FHIT: variants seen among roughly 807,000 people sequenced by gnomAD.
FHIT encodes the protein fragile histidine triad diadenosine triphosphatase, also known as bis(5'-adenosyl)-triphosphatase.
Under a neutral mutation model 17.9 loss-of-function variants are expected in FHIT, and 19 were observed. The ratio of observed to expected loss-of-function variants is 1.06; its 90% CI spans 0.74 to 1.56. FHIT has a LOEUF of 1.56. Ranked by LOEUF, FHIT falls within the 40% of genes most tolerant of loss-of-function variation. The probability of loss-of-function intolerance (pLI) is 0.00; values close to 1 mark genes in which losing one functional copy is unlikely to be tolerated. For synonymous variants in FHIT, 81 were observed against 69.7 expected (o/e 1.16, Z -0.81); for missense variants, 248 against 189.2 (o/e 1.31, Z -1.82).
chr3:60,067,734 A>T (rs998289700), intron 5 of FHIT, among the ~76,000 whole-genome samples: 5 of 152,192 alleles, frequency 3.3e-5, no homozygotes, highest in Non-Finnish European at 7.3e-5. Context: ...GGGAATTTCC[A>T]CGCGACAGCC....
chr3:60,353,299 G>C (rs1368406373), intron 5 of FHIT, among the ~76,000 whole-genome samples: 1 of 152,052 alleles, frequency 6.6e-6, no homozygotes, highest in African/African-American at 2.4e-5. Flanking sequence ...TTTTCTGTAA[G>C]ATGCCCAGGC....
In FHIT at chr3:60,801,172, A is replaced by G. The variant is rs529211376; in HGVS notation, c.-18+20747T>C. On this transcript the variant is annotated intron_variant, in intron 4 of 9. Transcript: ENST00000492590. ...TGCTTCAGACATGTCTAAACAAGGC[A>G]TGGAAGAGATTATTTATCCACCAAC... 3.9e-5 allele frequency among the ~76,000 whole-genome samples: 6 copies of G among 152,356 alleles called. No homozygotes were observed. The South Asian group carries it at 1.0e-3, about 26-fold the overall frequency.
At chr3:60,114,762 T>G (rs926024359) in intron 5 of FHIT, among the ~76,000 whole-genome samples, 3 of 151,996 alleles carry the variant, frequency 2.0e-5, no homozygotes, top group African/African-American at 4.8e-5. Flanking sequence ...ATGGGAAATC[T>G]TGCACTGATG....
intron 5 of FHIT, among the ~76,000 whole-genome samples, chr3:60,264,973 G>T (rs1430443108): frequency 4.0e-5 from 6 of 151,714 alleles, no homozygotes; most frequent in Middle Eastern, 3.4e-3. Context: ...CACATAAAAA[G>T]AATGACTTTT....
At chr3:59,797,512 G>A (rs1332936378) in intron 8 of FHIT, among the ~76,000 whole-genome samples, 1 of 152,114 alleles carries the variant, frequency 6.6e-6, no homozygotes, top group Non-Finnish European at 1.5e-5. Flanking sequence ...AATAGTGATA[G>A]GCAAATACAT....
intron 5 of FHIT, among the ~76,000 whole-genome samples, chr3:60,050,347 G>A (rs1701821914): frequency 1.3e-5 from 2 of 151,980 alleles, no homozygotes; most frequent in Admixed American, 6.6e-5. Flanking sequence ...ACCCTAGTAA[G>A]AAATTGTGAA....
chr3:60,131,082 C>CATATATACATATGTGT (rs1699576072), intron 5 of FHIT, among the ~76,000 whole-genome samples: 1 of 49,314 alleles, frequency 2.0e-5, no homozygotes, highest in African/African-American at 1.4e-4. Flanking sequence ...TATGTATACA[C>CATATATACATATGTGT]ATATATACAC....
At chr3:60,173,915 A>ATATATATATATATATATATTTTTTT in intron 5 of FHIT, among the ~76,000 whole-genome samples, 7 of 66,428 alleles carry the variant, frequency 1.1e-4, no homozygotes, top group Admixed American at 2.1e-4. Context: ...ATATATATAT[A>ATATATATATATATATATATTTTTTT]TGTTTTTTTT....
At chr3:61,039,289 C>T (rs1247654551) in intron 3 of FHIT, among the ~76,000 whole-genome samples, 3 of 152,036 alleles carry the variant, frequency 2.0e-5, no homozygotes, top group Non-Finnish European at 4.4e-5. Flanking sequence ...GAAACATGAA[C>T]GTTTTATAGA....
chr3:60,854,771 T>A lies in FHIT; in HGVS notation c.-110-32760A>T, dbSNP rs552713357. On this transcript the variant is annotated intron_variant, in intron 3 of 9. Transcript: ENST00000492590. ...CCACATACATCTGCCCAGCCACAAA[T>A]GGGTCATACAGTCTTTCCTAACTGT... Among the ~76,000 whole-genome samples the A allele has an allele frequency of 2.0e-5, 3 of 152,214 alleles. No individual in the cohort carries two copies. The South Asian group carries it at 6.2e-4, about 32-fold the overall frequency.
rs375150134 is a variant in FHIT at position 60,866,828 on chromosome 3, C to T, written c.-110-44817G>A. 2.0e-4 allele frequency among the ~76,000 whole-genome samples: 31 copies of T among 152,256 alleles called. No homozygotes were observed. In the South Asian group the frequency reaches 6.4e-3, roughly 32 times the overall value. On this transcript the variant is annotated intron_variant, in intron 3 of 9. Coordinates refer to ENST00000492590, the MANE Select transcript of FHIT (RefSeq NM_002012.4). ...CCAGGCTGTGATTCTTGCACACAAG[C>T]ACCAAGTCATCCATTATTGCAGTCT...
rs72886265 is a variant in FHIT, at chr3:60,849,834, T to A, written c.-110-27823A>T. Among the ~76,000 whole-genome samples, 1,269 of 152,072 alleles carry A rather than the reference T, an allele frequency of 8.3e-3. 23 individuals carry two copies. The highest frequency in any genetic ancestry group is 0.028 in the African/African-American group (1,160 of 41,476). On this transcript the variant is annotated intron_variant, in intron 3 of 9. Transcript: ENST00000492590. ...TCCAAGGAGCAATTCCTAATGTAAT[T>A]GATCAAATTCAAGCATATGGAGTCT... is the stretch of plus-strand genomic sequence containing the variant.
intron 4 of FHIT, among the ~76,000 whole-genome samples, chr3:60,694,542 A>G (rs1333343238): frequency 3.1e-4 from 47 of 152,294 alleles, no homozygotes; most frequent in African/African-American, 1.1e-3. Flanking sequence ...AATACCATTT[A>G]ACCCAGCCAT....
Position 60,169,372 on chromosome 3 carries a change from G to C in FHIT, c.104-155220C>G, listed in dbSNP as rs188140814. ...AGAAATAAACATCCATCATTGCATA[G>C]GGCAGGAAGAACAGCAAAAGCATGT... is the stretch of plus-strand genomic sequence containing the variant. On this transcript the variant is annotated intron_variant, in intron 5 of 9. Transcript: ENST00000492590. Among the ~76,000 whole-genome samples the C allele has an allele frequency of 1.1e-4, 16 of 152,206 alleles. No individual in the cohort carries two copies. In the East Asian group the frequency reaches 3.1e-3, roughly 29 times the overall value.
intron 4 of FHIT, among the ~76,000 whole-genome samples, chr3:60,695,267 G>T (rs531504681): frequency 1.6e-4 from 25 of 152,084 alleles, no homozygotes; most frequent in African/African-American, 5.8e-4. Context: ...GTGGTGGCGG[G>T]TACCTGTAAT....
At chr3:61,140,086 G>C (rs1050861887) in intron 2 of FHIT, among the ~76,000 whole-genome samples, 1 of 151,946 alleles carries the variant, frequency 6.6e-6, no homozygotes, top group Non-Finnish European at 1.5e-5. Flanking sequence ...GAGCACTTTG[G>C]GGGCAGCCAG....
At chr3:60,374,861 G>A (rs1357987372) in intron 5 of FHIT, among the ~76,000 whole-genome samples, 1 of 152,096 alleles carries the variant, frequency 6.6e-6, no homozygotes, top group East Asian at 1.9e-4. Flanking sequence ...CACTGAACCA[G>A]CCCTTGCAGT....
At chr3:60,114,270 G>A (rs375069703) in intron 5 of FHIT, among the ~76,000 whole-genome samples, 24 of 149,556 alleles carry the variant, frequency 1.6e-4, no homozygotes, top group African/African-American at 5.6e-4. Flanking sequence ...AGCTACTTAG[G>A]AGCAGGGCTG....
At chr3:60,354,154 A>G (rs188470103) in intron 5 of FHIT, among the ~76,000 whole-genome samples, 2 of 152,310 alleles carry the variant, frequency 1.3e-5, no homozygotes, top group Non-Finnish European at 2.9e-5. Flanking sequence ...TGCTTGTAAC[A>G]TATTAAATGA....
Sources: allele counts gnomAD v4.1 joint callset (sites outside exome capture counted in the v4.1 genomes callset), GRCh38; gene constraint gnomAD v4.1.1; transcripts MANE v1.5; gene names NCBI Gene and HGNC (gene_info 2026-07-23, HGNC 2026-07-21).